CA10: variants seen among roughly 807,000 people sequenced by gnomAD.
The protein encoded by CA10 is carbonic anhydrase-related protein 10.
CA10 carries 14 observed loss-of-function variants against 44.2 expected under a neutral mutation model. The ratio of observed to expected loss-of-function variants is 0.32; its 90% CI spans 0.21 to 0.50. CA10 has a LOEUF of 0.50. CA10 is among the 20% of genes least tolerant of loss of function. CA10 has a pLI of 0.99. For synonymous variants in CA10, 159 were observed against 141.6 expected, an observed-to-expected ratio of 1.12 and a Z score of -0.87; for missense variants, 350 against 409.7, an observed-to-expected ratio of 0.85 and a Z score of 1.26.
chr17:51,642,904 A>G (rs553809036), intron 6 of CA10, among the ~76,000 whole-genome samples: 31 of 152,194 alleles, frequency 2.0e-4, no homozygotes, highest in South Asian at 1.0e-3. Flanking sequence ...CAGCCTCCCA[A>G]AGTGCTGGGA....
At chr17:51,706,896 G>C (rs1915778538) in intron 4 of CA10, among the ~76,000 whole-genome samples, 2 of 152,098 alleles carry the variant, frequency 1.3e-5, no homozygotes, top group African/African-American at 4.8e-5. Context: ...TCACATTCTA[G>C]CTGAGGCCTT....
chr17:52,139,701 G>A (rs1279636310), intron 1 of CA10, among the ~76,000 whole-genome samples: 1 of 152,042 alleles, frequency 6.6e-6, no homozygotes, highest in African/African-American at 2.4e-5. Context: ...ATTCAGACAG[G>A]TCCACATTCA....
At chr17:51,976,854 A>G (rs1308093443) in intron 2 of CA10, among the ~76,000 whole-genome samples, 1 of 152,094 alleles carries the variant, frequency 6.6e-6, no homozygotes, top group Non-Finnish European at 1.5e-5. Flanking sequence ...AAGGTAAAAC[A>G]AGAATCAGCA....
At chr17:52,037,248 A>T (rs1365644350) in intron 2 of CA10, among the ~76,000 whole-genome samples, 3 of 152,156 alleles carry the variant, frequency 2.0e-5, no homozygotes, top group Non-Finnish European at 4.4e-5. Flanking sequence ...TTATGTAGGG[A>T]GAAGAGAGTT....
chr17:51,861,636 G>C (rs1206493879), intron 3 of CA10, among the ~76,000 whole-genome samples: 2 of 151,728 alleles, frequency 1.3e-5, no homozygotes, highest in Non-Finnish European at 2.9e-5. Flanking sequence ...ATAGCAAAGA[G>C]AGAGCATAGT....
At chr17:51,692,426 TTTTACCA>T (rs71149374) in intron 4 of CA10, among the ~76,000 whole-genome samples, 14,757 of 107,634 alleles carry the variant, frequency 0.14, 963 homozygotes, top group Non-Finnish European at 0.19. Context: ...TATCTATCTA[TTTTACCA>T]TTTACCATGG....
intron 3 of CA10, among the ~76,000 whole-genome samples, chr17:51,905,046 A>G (rs1981482808): frequency 1.3e-5 from 2 of 152,186 alleles, no homozygotes; most frequent in Non-Finnish European, 2.9e-5. Flanking sequence ...AGCACGATAG[A>G]TAATTGTAAG....
At chr17:52,061,146 A>T (rs1354716406) in intron 2 of CA10, among the ~76,000 whole-genome samples, 1 of 152,210 alleles carries the variant, frequency 6.6e-6, no homozygotes, top group Non-Finnish European at 1.5e-5. Flanking sequence ...TATATTTTGC[A>T]GATATGATTA....
intron 6 of CA10, among the ~76,000 whole-genome samples, chr17:51,637,492 C>T (rs1048908399): frequency 6.6e-5 from 10 of 152,262 alleles, no homozygotes; most frequent in South Asian, 2.1e-4. Context: ...CCTGGCTGGC[C>T]GAGGGATGAG....
At chr17:52,096,719 T>A (rs1988410760) in intron 1 of CA10, among the ~76,000 whole-genome samples, 1 of 152,232 alleles carries the variant, frequency 6.6e-6, no homozygotes, top group Non-Finnish European at 1.5e-5. Context: ...TTCTACTCTG[T>A]ATGCTTTCTC....
chr17:51,646,912 T>A (rs539680277), intron 6 of CA10, among the ~76,000 whole-genome samples: 1 of 152,264 alleles, frequency 6.6e-6, no homozygotes, highest in African/African-American at 2.4e-5. Context: ...CCTCAATTAC[T>A]CCCTGCTGAA....
chr17:51,845,297 T>C (rs1978442290), intron 3 of CA10, among the ~76,000 whole-genome samples: 1 of 152,210 alleles, frequency 6.6e-6, no homozygotes, highest in Admixed American at 6.5e-5. Flanking sequence ...CGGCTTTCTC[T>C]GTGCTCACTC....
intron 4 of CA10, among the ~76,000 whole-genome samples, chr17:51,728,284 CTT>C (rs879908587): frequency 6.8e-6 from 1 of 147,580 alleles, no homozygotes; most frequent in Non-Finnish European, 1.5e-5. Context: ...CTTCCCTTAA[CTT>C]TTTTTTTTTA....
At chr17:52,023,266 A>G (rs1887094704) in intron 2 of CA10, among the ~76,000 whole-genome samples, 1 of 152,110 alleles carries the variant, frequency 6.6e-6, no homozygotes, top group Admixed American at 6.6e-5. Context: ...AGGCTCATAC[A>G]CCAATGGAAC....
At chr17:52,034,809 TAAAC>T (rs762566989) in intron 2 of CA10, among the ~76,000 whole-genome samples, 5 of 152,114 alleles carry the variant, frequency 3.3e-5, no homozygotes, top group African/African-American at 1.2e-4. Context: ...GAAATAAAAA[TAAAC>T]AATGTATTGC....
chr17:51,859,208 A>G (rs909738676), intron 3 of CA10, among the ~76,000 whole-genome samples: 4 of 152,120 alleles, frequency 2.6e-5, no homozygotes, highest in Admixed American at 1.3e-4. Flanking sequence ...TTCATGACCA[A>G]ATCCATACAA....
chr17:51,888,785 A>G (rs1171856257), intron 3 of CA10, among the ~76,000 whole-genome samples: 1 of 152,178 alleles, frequency 6.6e-6, no homozygotes, highest in Non-Finnish European at 1.5e-5. Context: ...TGCTGTTCCC[A>G]TTACCTATTG....
chr17:51,862,019 A>G (rs1979333869), intron 3 of CA10, among the ~76,000 whole-genome samples: 1 of 152,212 alleles, frequency 6.6e-6, no homozygotes, highest in Admixed American at 6.5e-5. Flanking sequence ...TGCTATTGCC[A>G]TTAATTTCTG....
At chr17:51,828,806 T>G (rs1908126109) in intron 3 of CA10, among the ~76,000 whole-genome samples, 2 of 152,240 alleles carry the variant, frequency 1.3e-5, no homozygotes, top group Non-Finnish European at 2.9e-5. Flanking sequence ...GATTTACTGG[T>G]AAACATTTAT....
Sources: gnomAD v4.1 joint callset for allele counts (sites outside exome capture counted in the v4.1 genomes callset) on GRCh38, gnomAD v4.1.1 for gene constraint, MANE v1.5 for transcripts, NCBI Gene and HGNC (gene_info 2026-07-23, HGNC 2026-07-21) for gene names.